MED13L: variants seen among roughly 807,000 people sequenced by gnomAD.
MED13L encodes the protein mediator complex subunit 13L, also known as mediator of RNA polymerase II transcription subunit 13-like.
MED13L carries 7 observed loss-of-function variants against 220.9 expected under a neutral mutation model. The ratio of observed to expected loss-of-function variants is 0.03; its 90% CI spans 0.02 to 0.06. The LOEUF is 0.06. Among genes scored for constraint, MED13L ranks in the 10% least tolerant of loss-of-function variants. The probability of loss-of-function intolerance (pLI) is 1.00; values close to 1 mark genes in which losing one functional copy is unlikely to be tolerated. For missense variants in MED13L, 1,965 were observed against 2,760.5 expected (o/e 0.71, Z 6.46); for synonymous variants, 1,011 against 1,015.2 (o/e 1.00, Z 0.08).
At chr12:116,031,910 C>T (rs1247564262) in intron 4 of MED13L, among the ~76,000 whole-genome samples, 1 of 151,686 alleles carries the variant, frequency 6.6e-6, no homozygotes, top group Non-Finnish European at 1.5e-5. Flanking sequence ...ACTAAGAGAA[C>T]TAACAAAAGA....
At chr12:116,124,123 CGAGAGAGA>C (rs58366115) in intron 2 of MED13L, among the ~76,000 whole-genome samples, 102 of 133,612 alleles carry the variant, frequency 7.6e-4, no homozygotes, top group Middle Eastern at 3.9e-3. Flanking sequence ...GAGAGAAAGA[CGAGAGAGA>C]GAGAGAGAGA....
chr12:116,144,270 T>G (rs1437293074), intron 2 of MED13L, among the ~76,000 whole-genome samples: 1 of 152,210 alleles, frequency 6.6e-6, no homozygotes, highest in Non-Finnish European at 1.5e-5. Context: ...CACATCCTAA[T>G]TTTGGATGAG....
intron 4 of MED13L, among the ~76,000 whole-genome samples, chr12:116,035,709 G>A (rs1335263418): frequency 3.3e-5 from 5 of 151,694 alleles, no homozygotes; most frequent in Admixed American, 1.3e-4. Flanking sequence ...TCCCACCTAC[G>A]CCTCCCGAGT....
intron 23 of MED13L, among the ~76,000 whole-genome samples, chr12:115,978,163 T>C (rs1877075533): frequency 2.0e-5 from 3 of 152,062 alleles, no homozygotes; most frequent in African/African-American, 7.2e-5. Context: ...AGACAGCAAG[T>C]AGACCAGTGG....
chr12:116,061,168 G>C (rs571765135), intron 4 of MED13L, among the ~76,000 whole-genome samples: 2 of 152,060 alleles, frequency 1.3e-5, no homozygotes, highest in East Asian at 3.9e-4. Flanking sequence ...CAACTGGGTG[G>C]GTAGAGGACA....
At chr12:115,975,093 C>T (rs1274304690) in intron 25 of MED13L, 78 bp downstream of exon 25, 8 of 1,392,266 alleles carry the variant, frequency 5.7e-6, no homozygotes, top group Non-Finnish European at 8.2e-6. Flanking sequence ...TAAACATTTT[C>T]TCCCTTAGCT....
intron 1 of MED13L, among the ~76,000 whole-genome samples, chr12:116,262,728 T>TAA (rs902428203): frequency 2.0e-5 from 3 of 152,340 alleles, no homozygotes; most frequent in African/African-American, 7.2e-5. Flanking sequence ...AGCTTATATA[T>TAA]AACAAACTAT....
chr12:116,276,242 AGAGAGAGCGC>A (rs1414957210), intron 1 of MED13L, among the ~76,000 whole-genome samples: 2 of 152,020 alleles, frequency 1.3e-5, no homozygotes, highest in Non-Finnish European at 2.9e-5. Flanking sequence ...ATTATCAGAA[AGAGAGAGCGC>A]GAGAGAGGCG....
At chr12:116,020,085 C>A in intron 5 of MED13L, 113 bp from the exon 6 acceptor site, 1 of 938,326 alleles carries the variant, frequency 1.1e-6, no homozygotes, top group South Asian at 1.5e-5. Context: ...GTGCATTGTT[C>A]TTTATTTCCT....
rs151318316 is a variant in MED13L, at chr12:116,080,952, G to A, written c.479+15717C>T. 8.5e-5 allele frequency among the ~76,000 whole-genome samples: 13 copies of A among 152,200 alleles called. No homozygotes were observed. The East Asian group carries it at 2.3e-3, about 27-fold the overall frequency. On this transcript the variant is annotated intron_variant, in intron 4 of 30. Transcript: ENST00000281928. The stretch of plus-strand genomic sequence containing the variant: ...TATAGGAATACGAAGGTATTCCTAG[G>A]GCACTATAAAAACAATAAAGTTCAG...
intron 15 of MED13L, 75 bp from the exon 16 acceptor site, chr12:115,996,756 A>C: frequency 7.5e-7 from 1 of 1,338,202 alleles, no homozygotes; most frequent in Non-Finnish European, 1.1e-6. Context: ...TAGTGCTATC[A>C]TAAAAACAGC....
chr12:116,007,751 C>G, intron 10 of MED13L, 115 bp from the exon 11 acceptor site: 1 of 830,524 alleles, frequency 1.2e-6, no homozygotes, highest in Non-Finnish European at 1.9e-6. Flanking sequence ...TTTGCTTTTA[C>G]AGTTTATATT....
chr12:116,169,820 G>A (rs552782462), intron 2 of MED13L, among the ~76,000 whole-genome samples: 1 of 152,220 alleles, frequency 6.6e-6, no homozygotes, highest in African/African-American at 2.4e-5. Context: ...GACCAGCCTG[G>A]GCAACATAAG....
intron 4 of MED13L, among the ~76,000 whole-genome samples, chr12:116,026,266 A>G (rs1208111940): frequency 6.6e-6 from 1 of 152,184 alleles, no homozygotes; most frequent in Non-Finnish European, 1.5e-5. Flanking sequence ...TCAAAATAGT[A>G]TTCATTTGAA....
intron 2 of MED13L, among the ~76,000 whole-genome samples, chr12:116,187,499 C>A (rs1320224881): frequency 6.6e-6 from 1 of 152,188 alleles, no homozygotes; most frequent in Non-Finnish European, 1.5e-5. Flanking sequence ...TCCCACAATG[C>A]TGGACACATA....
chr12:116,235,345 C>T (rs1157886686), intron 2 of MED13L, among the ~76,000 whole-genome samples: 1 of 152,084 alleles, frequency 6.6e-6, no homozygotes, highest in Non-Finnish European at 1.5e-5. Context: ...AAAATATAAA[C>T]AGTTTATACC....
intron 2 of MED13L, among the ~76,000 whole-genome samples, chr12:116,178,027 TTTGC>T (rs1305195337): frequency 1.3e-5 from 2 of 151,852 alleles, no homozygotes; most frequent in Non-Finnish European, 2.9e-5. Context: ...CGCTTTTTTG[TTTGC>T]TTGTTTGTTT....
intron 2 of MED13L, among the ~76,000 whole-genome samples, chr12:116,202,006 T>C (rs1419279884): frequency 1.3e-5 from 2 of 152,206 alleles, no homozygotes; most frequent in Admixed American, 6.5e-5. Context: ...CTAAACTAGC[T>C]TTACAAAACA....
chr12:116,111,140 AAG>A (rs1314629493), intron 3 of MED13L, among the ~76,000 whole-genome samples: 1 of 152,168 alleles, frequency 6.6e-6, no homozygotes, highest in African/African-American at 2.4e-5. Flanking sequence ...AAGGGTAAAA[AAG>A]AACATCAATC....
Sources: allele counts gnomAD v4.1 joint callset (sites outside exome capture counted in the v4.1 genomes callset), GRCh38; gene constraint gnomAD v4.1.1; transcripts MANE v1.5; gene names NCBI Gene and HGNC (gene_info 2026-07-23, HGNC 2026-07-21).